Variants in CDK14 observed in about 807,000 individuals in gnomAD.
CDK14 encodes cyclin dependent kinase 14, also known as cyclin-dependent kinase 14.
A neutral mutation model predicts 60.7 loss-of-function variants in CDK14; 34 were observed. The observed-to-expected ratio is 0.56, with a 90% CI of 0.43 to 0.75. The LOEUF (loss-of-function observed/expected upper bound fraction) is 0.75, where lower values mean the gene tolerates loss of function less well. Among genes scored for constraint, CDK14 ranks in the 30% least tolerant of loss-of-function variants. CDK14 has a pLI of 0.00. For synonymous variants in CDK14, 197 were observed against 203.7 expected, an observed-to-expected ratio of 0.97 and a Z score of 0.28; for missense variants, 482 against 564.1, an observed-to-expected ratio of 0.85 and a Z score of 1.47.
At chr7:90,659,837 TTCTCTCTCTCTCTCTC>T (rs58582287) in intron 2 of CDK14, among the ~76,000 whole-genome samples, 3 of 110,466 alleles carry the variant, frequency 2.7e-5, no homozygotes, top group South Asian at 3.6e-4. Context: ...CAGGGAATGC[TTCTCTCTCTCTCTCTC>T]TCTCTCTCTC....
intron 6 of CDK14, among the ~76,000 whole-genome samples, chr7:90,877,993 T>C (rs1791617521): frequency 1.3e-5 from 2 of 151,976 alleles, no homozygotes; most frequent in South Asian, 2.1e-4. Flanking sequence ...TGTTACCAAA[T>C]GCAGTGGGCA....
intron 11 of CDK14, among the ~76,000 whole-genome samples, chr7:91,070,987 A>T (rs1798125453): frequency 6.6e-6 from 1 of 152,204 alleles, no homozygotes; most frequent in Non-Finnish European, 1.5e-5. Flanking sequence ...ACTTCAAATT[A>T]TCAGAGAAAG....
intron 14 of CDK14, among the ~76,000 whole-genome samples, chr7:91,179,223 A>G (rs1004202136): frequency 7.9e-5 from 12 of 151,804 alleles, no homozygotes; most frequent in Admixed American, 2.0e-4. Flanking sequence ...ATGAAACTGG[A>G]AATTATCATT....
chr7:91,073,574 G>GTCT (rs2116191360), intron 11 of CDK14, among the ~76,000 whole-genome samples: 1 of 152,254 alleles, frequency 6.6e-6, no homozygotes, highest in East Asian at 1.9e-4. Context: ...GACCAATGAT[G>GTCT]TTGTGAAGAA....
At position 90,831,709 on chromosome 7, in the gene CDK14, C is replaced by T. The variant is rs953177873; in HGVS notation, c.545-31466C>T. 3.3e-5 allele frequency among the ~76,000 whole-genome samples: 5 copies of T among 151,844 alleles called. No individual in the cohort carries two copies. The South Asian group carries it at 1.0e-3, about 32-fold the overall frequency. On this transcript the variant is annotated intron_variant, in intron 5 of 14. Transcript: ENST00000380050. ...TTGACTGTTTTTTTTTTCCCCCACC[C>T]TTTTCCCCATTATCTGTCTTCCACA...
chr7:90,781,378 C>G (rs1277532436), intron 4 of CDK14, among the ~76,000 whole-genome samples: 1 of 151,954 alleles, frequency 6.6e-6, no homozygotes, highest in Non-Finnish European at 1.5e-5. Context: ...CCTGTTCACT[C>G]TGATGGTAGT....
chr7:90,930,977 C>T (rs1478442311), intron 8 of CDK14, among the ~76,000 whole-genome samples: 2 of 152,090 alleles, frequency 1.3e-5, no homozygotes, highest in Non-Finnish European at 2.9e-5. Flanking sequence ...TATCATATGA[C>T]TTCTTGTACA....
chr7:91,191,869 C>A (rs1416056535), intron 14 of CDK14, among the ~76,000 whole-genome samples: 1 of 151,964 alleles, frequency 6.6e-6, no homozygotes, highest in Non-Finnish European at 1.5e-5. Context: ...TTGTGTGGAT[C>A]AGAGAACTGG....
In CDK14 at chr7:90,856,783, A is replaced by G. The variant is rs375736771; in HGVS notation, c.545-6392A>G. On this transcript the variant is annotated intron_variant, in intron 5 of 14. Transcript: ENST00000380050. ...CTATTTGTAGTAAAAGTAAATTTCA[A>G]CAGCCTTAAAGCTGTCAAGCTGTGG... Among the ~76,000 whole-genome samples, 27 of 152,284 alleles carry G rather than the reference A, an allele frequency of 1.8e-4. 1 individual carries two copies. The South Asian group carries it at 4.6e-3, about 26-fold the overall frequency.
At chr7:90,991,314 T>C (rs1056109531) in intron 10 of CDK14, among the ~76,000 whole-genome samples, 1 of 151,916 alleles carries the variant, frequency 6.6e-6, no homozygotes, top group Non-Finnish European at 1.5e-5. Flanking sequence ...AAAGAGACAA[T>C]CTTGGTTCCC....
At chr7:90,661,104 A>T (rs1224603705) in intron 2 of CDK14, among the ~76,000 whole-genome samples, 4 of 152,182 alleles carry the variant, frequency 2.6e-5, no homozygotes. Context: ...GATTCTGAAA[A>T]CTTTTCTGCC....
chr7:90,729,825 G>GT (rs905452486), intron 3 of CDK14, among the ~76,000 whole-genome samples: 1 of 151,644 alleles, frequency 6.6e-6, no homozygotes, highest in Non-Finnish European at 1.5e-5. Flanking sequence ...ATAATATCCT[G>GT]TTTTTTTCTG....
intron 8 of CDK14, among the ~76,000 whole-genome samples, chr7:90,942,988 A>T (rs1109450): frequency 0.11 from 17,258 of 151,614 alleles, 1,073 homozygotes; most frequent in Middle Eastern, 0.16. Context: ...GTTTTTTTTT[A>T]AAAAAAACTG....
intron 9 of CDK14, among the ~76,000 whole-genome samples, chr7:90,965,614 G>A (rs1182740369): frequency 6.6e-6 from 1 of 152,130 alleles, no homozygotes; most frequent in Non-Finnish European, 1.5e-5. Context: ...TCCTTCTGGA[G>A]TGTCACTGAC....
intron 9 of CDK14, among the ~76,000 whole-genome samples, chr7:90,980,868 A>G (rs1426921765): frequency 2.0e-5 from 3 of 152,242 alleles, no homozygotes; most frequent in African/African-American, 7.2e-5. Flanking sequence ...TAATCATTCT[A>G]AGTAACATAT....
chr7:90,887,878 G>A (rs1056239494), intron 6 of CDK14, among the ~76,000 whole-genome samples: 2 of 152,060 alleles, frequency 1.3e-5, no homozygotes, highest in Admixed American at 6.6e-5. Context: ...ATAGTCATAA[G>A]TAAACTCCTA....
chr7:91,052,303 G>C (rs927329476), intron 11 of CDK14, among the ~76,000 whole-genome samples: 1 of 152,088 alleles, frequency 6.6e-6, no homozygotes, highest in African/African-American at 2.4e-5. Context: ...GGTCTCCCTG[G>C]GTCTCACTTC....
intron 3 of CDK14, among the ~76,000 whole-genome samples, chr7:90,746,665 C>T (rs1436438511): frequency 1.3e-5 from 2 of 152,092 alleles, no homozygotes; most frequent in Non-Finnish European, 2.9e-5. Flanking sequence ...AAGGTGAATG[C>T]TTCTCCACCA....
chr7:90,894,964 C>A (rs1792249016), intron 6 of CDK14, among the ~76,000 whole-genome samples: 1 of 152,134 alleles, frequency 6.6e-6, no homozygotes, highest in Non-Finnish European at 1.5e-5. Context: ...ATATATACAT[C>A]TGTGACTGTG....
Sources: allele counts gnomAD v4.1 joint callset (sites outside exome capture counted in the v4.1 genomes callset), GRCh38; gene constraint gnomAD v4.1.1; transcripts MANE v1.5; gene names NCBI Gene and HGNC (gene_info 2026-07-23, HGNC 2026-07-21).